The following ZNF804B variants were observed in gnomAD, a reference collection of about 807,000 sequenced individuals.
The protein encoded by ZNF804B is zinc finger protein 804B, also known as zinc finger 804B.
ZNF804B carries 80 observed loss-of-function variants against 101.4 expected under a neutral mutation model. That is an observed-to-expected ratio of 0.79 (90% CI 0.66 to 0.95). The LOEUF is 0.95. ZNF804B is among the 40% of genes least tolerant of loss of function. ZNF804B has a pLI of 0.00. For synonymous variants in ZNF804B, 622 were observed against 558.8 expected (o/e 1.11, Z -1.59); for missense variants, 1,673 against 1,561.9 (o/e 1.07, Z -1.20).
At chr7:89,301,216 C>A (rs1457530022) in intron 2 of ZNF804B, among the ~76,000 whole-genome samples, 2 of 147,904 alleles carry the variant, frequency 1.4e-5, no homozygotes, top group African/African-American at 5.0e-5. Context: ...ATTTTGACAG[C>A]TTTTCGTCTT....
At chr7:89,322,726 G>C (rs145684537) in intron 2 of ZNF804B, among the ~76,000 whole-genome samples, 1 of 151,976 alleles carries the variant, frequency 6.6e-6, no homozygotes, top group Non-Finnish European at 1.5e-5. Flanking sequence ...ACTCAGAAAA[G>C]AATAAAAAAT....
At chr7:88,945,512 G>A (rs2116055290) in intron 1 of ZNF804B, among the ~76,000 whole-genome samples, 1 of 152,214 alleles carries the variant, frequency 6.6e-6, no homozygotes, top group South Asian at 2.1e-4. Flanking sequence ...ATACTTTGAA[G>A]TCAGGTAGCA....
intron 1 of ZNF804B, among the ~76,000 whole-genome samples, chr7:88,877,007 A>AATATATATATATATAATATATATATAT (rs1554342845): frequency 1.3e-5 from 1 of 75,216 alleles, no homozygotes; most frequent in African/African-American, 9.4e-5. Context: ...TGAAAAAAAA[A>AATATATATATATATAATATATATATAT]ATATATATAT....
intron 1 of ZNF804B, among the ~76,000 whole-genome samples, chr7:89,047,675 G>A (rs1789131720): frequency 1.3e-5 from 2 of 152,136 alleles, no homozygotes; most frequent in Non-Finnish European, 2.9e-5. Flanking sequence ...GTGCAATTGA[G>A]CTTCATGCCT....
chr7:88,809,331 CTATCTATCTATCTAT>C (rs1790742846), intron 1 of ZNF804B, among the ~76,000 whole-genome samples: 2 of 150,994 alleles, frequency 1.3e-5, no homozygotes, highest in African/African-American at 2.4e-5. Flanking sequence ...ATCTATCTAT[CTATCTATCTATCTAT>C]CTATCTATCT....
chr7:88,986,491 AAC>A (rs1442726217), intron 1 of ZNF804B, among the ~76,000 whole-genome samples: 1 of 152,112 alleles, frequency 6.6e-6, no homozygotes, highest in Non-Finnish European at 1.5e-5. Flanking sequence ...AAAAATTAAA[AAC>A]AGTCTTCTCT....
At chr7:88,956,473 A>G (rs1793310657) in intron 1 of ZNF804B, among the ~76,000 whole-genome samples, 1 of 151,522 alleles carries the variant, frequency 6.6e-6, no homozygotes, top group South Asian at 2.1e-4. Context: ...TAAAATTAAT[A>G]ACATAGCAAT....
chr7:89,292,637 G>T (rs1790314332), intron 2 of ZNF804B, among the ~76,000 whole-genome samples: 1 of 151,784 alleles, frequency 6.6e-6, no homozygotes, highest in South Asian at 2.1e-4. Context: ...AAAAAAAGAA[G>T]TAAAGAACGA....
intron 1 of ZNF804B, among the ~76,000 whole-genome samples, chr7:89,032,321 G>C (rs951875968): frequency 2.0e-5 from 3 of 151,490 alleles, no homozygotes; most frequent in Admixed American, 6.6e-5. Flanking sequence ...GATGTGGGGT[G>C]GGGGAGAGAA....
intron 1 of ZNF804B, among the ~76,000 whole-genome samples, chr7:89,033,408 T>C (rs1289006236): frequency 3.3e-5 from 5 of 152,174 alleles, no homozygotes; most frequent in South Asian, 2.1e-4. Flanking sequence ...TTATAAATAG[T>C]GCCACCACAA....
chr7:89,203,020 CAT>C (rs1050436942), intron 1 of ZNF804B, among the ~76,000 whole-genome samples: 1 of 152,024 alleles, frequency 6.6e-6, no homozygotes, highest in Non-Finnish European at 1.5e-5. Context: ...CACACACACA[CAT>C]ACACACACAT....
At chr7:89,009,974 A>G (rs1026786400) in intron 1 of ZNF804B, among the ~76,000 whole-genome samples, 72 of 152,224 alleles carry the variant, frequency 4.7e-4, no homozygotes, top group African/African-American at 1.7e-3. Context: ...ATTTTCCATT[A>G]TTTCCTCAGC....
chr7:88,828,258 A>C (rs1791076920), intron 1 of ZNF804B, among the ~76,000 whole-genome samples: 1 of 152,262 alleles, frequency 6.6e-6, no homozygotes, highest in Middle Eastern at 3.4e-3. Flanking sequence ...ATTTTGACAA[A>C]TTTATAACTT....
chr7:88,937,865 G>C (rs1792996686), intron 1 of ZNF804B, among the ~76,000 whole-genome samples: 1 of 152,026 alleles, frequency 6.6e-6, no homozygotes, highest in Non-Finnish European at 1.5e-5. Context: ...TTGAGAGAGA[G>C]AGATTGAGAG....
chr7:89,253,192 AG>A (rs1389580107), intron 2 of ZNF804B, among the ~76,000 whole-genome samples: 1 of 152,180 alleles, frequency 6.6e-6, no homozygotes, highest in African/African-American at 2.4e-5. Flanking sequence ...TAATGCTAAA[AG>A]TTAAAGCTAA....
chr7:89,219,147 C>A (rs180696449), intron 2 of ZNF804B, among the ~76,000 whole-genome samples: 358 of 151,154 alleles, frequency 2.4e-3, no homozygotes, highest in African/African-American at 7.8e-3. Flanking sequence ...GTAGGGAAAC[C>A]AGGACCCAGG....
intron 1 of ZNF804B, among the ~76,000 whole-genome samples, chr7:88,791,945 G>T (rs1481868956): frequency 5.9e-5 from 9 of 151,966 alleles, no homozygotes; most frequent in Non-Finnish European, 1.3e-4. Flanking sequence ...CAGGTTTACT[G>T]GAAGCCTGGG....
intron 2 of ZNF804B, among the ~76,000 whole-genome samples, chr7:89,271,540 T>C (rs890972221): frequency 2.6e-5 from 4 of 152,098 alleles, no homozygotes; most frequent in Non-Finnish European, 5.9e-5. Flanking sequence ...TTTTTGTTGT[T>C]GTGTCTCTGC....
At chr7:89,086,786 A>T (rs531709271) in intron 1 of ZNF804B, among the ~76,000 whole-genome samples, 1 of 152,052 alleles carries the variant, frequency 6.6e-6, no homozygotes, top group East Asian at 1.9e-4. Flanking sequence ...TTTATAATAA[A>T]TTAATTCTTC....
Sources: gnomAD v4.1 joint callset for allele counts (sites outside exome capture counted in the v4.1 genomes callset) on GRCh38, gnomAD v4.1.1 for gene constraint, MANE v1.5 for transcripts, NCBI Gene and HGNC (gene_info 2026-07-23, HGNC 2026-07-21) for gene names.